Variants in MACROD2 observed in about 807,000 individuals in gnomAD.
MACROD2 encodes the protein mono-ADP ribosylhydrolase 2.
MACROD2 carries 36 observed loss-of-function variants against 70.4 expected under a neutral mutation model. That is an observed-to-expected ratio of 0.51 (90% CI 0.39 to 0.68). The LOEUF (loss-of-function observed/expected upper bound fraction) is 0.68. Among genes scored for constraint, MACROD2 ranks in the 30% least tolerant of loss-of-function variants. The probability of loss-of-function intolerance (pLI) is 0.00; values close to 1 mark genes in which losing one functional copy is unlikely to be tolerated. For missense variants in MACROD2, 496 were observed against 538.4 expected (o/e 0.92, Z 0.78); for synonymous variants, 172 against 178.8 (o/e 0.96, Z 0.30).
intron 3 of MACROD2, among the ~76,000 whole-genome samples, chr20:14,332,370 G>A (rs1219559146): frequency 1.3e-5 from 2 of 152,058 alleles, no homozygotes; most frequent in Non-Finnish European, 2.9e-5. Flanking sequence ...TCAAGAGCTT[G>A]CGGCAATCTA....
intron 8 of MACROD2, among the ~76,000 whole-genome samples, chr20:15,580,560 A>G (rs989569444): frequency 2.0e-5 from 3 of 152,160 alleles, no homozygotes; most frequent in Non-Finnish European, 4.4e-5. Flanking sequence ...TGACACCTCC[A>G]TCTACTATTT....
At chr20:14,903,758 A>G (rs942756032) in intron 5 of MACROD2, among the ~76,000 whole-genome samples, 1 of 152,076 alleles carries the variant, frequency 6.6e-6, no homozygotes, top group Non-Finnish European at 1.5e-5. Context: ...GGCCAGTAAG[A>G]GTGGGCAGAT....
At chr20:14,211,557 A>C (rs913836124) in intron 3 of MACROD2, among the ~76,000 whole-genome samples, 9 of 152,134 alleles carry the variant, frequency 5.9e-5, no homozygotes, top group African/African-American at 1.9e-4. Flanking sequence ...CCATCTAGCT[A>C]TGTGTCCAGG....
In MACROD2 at chr20:14,789,460, A is replaced by ATTC. The variant is rs1555830595; in HGVS notation, c.418+104503_418+104504insCTT. The stretch of plus-strand genomic sequence containing the variant: ...CTTGTGGATTAATCAGGTAGTGCAA[A>ATTC]TTTTTTTTTTTTTTTTTTTTTTTTT... On this transcript the variant is annotated intron_variant, in intron 5 of 17. Transcript: ENST00000684519. 7.0e-3 allele frequency among the ~76,000 whole-genome samples: 337 copies of ATTC among 48,366 alleles called. 43 individuals carry two copies. Among genetic ancestry groups the ATTC allele is most frequent in the African/African-American group, 0.025 (290 of 11,676 alleles). 31.7% of individuals were successfully genotyped at this position (48,366 alleles called of 152,430 possible).
chr20:15,496,682 T>A (rs1030479479), intron 7 of MACROD2, among the ~76,000 whole-genome samples: 12 of 152,300 alleles, frequency 7.9e-5, no homozygotes, highest in African/African-American at 2.9e-4. Flanking sequence ...GAGAAGAATT[T>A]TATGAGATGA....
chr20:14,526,338 C>T (rs1041605459), intron 4 of MACROD2, among the ~76,000 whole-genome samples: 3 of 151,738 alleles, frequency 2.0e-5, no homozygotes, highest in African/African-American at 7.3e-5. Flanking sequence ...TCAATTAAAA[C>T]AGGATGGGTA....
chr20:15,598,795 A>T (rs1454120586), intron 8 of MACROD2, among the ~76,000 whole-genome samples: 1 of 152,168 alleles, frequency 6.6e-6, no homozygotes, highest in East Asian at 1.9e-4. Context: ...CATCCAATAA[A>T]AATACAGGAC....
intron 5 of MACROD2, among the ~76,000 whole-genome samples, chr20:15,075,891 G>C (rs111467147): frequency 6.6e-6 from 1 of 152,094 alleles, no homozygotes; most frequent in Non-Finnish European, 1.5e-5. Context: ...GCATTTGTTC[G>C]TAAAAAGTGT....
chr20:15,948,608 C>T (rs1025341777), intron 12 of MACROD2, among the ~76,000 whole-genome samples: 3 of 152,056 alleles, frequency 2.0e-5, no homozygotes, highest in African/African-American at 4.8e-5. Flanking sequence ...AAGACTTTTC[C>T]TATTTGTTCA....
chr20:14,875,217 C>T (rs1021101712), intron 5 of MACROD2, among the ~76,000 whole-genome samples: 3 of 151,748 alleles, frequency 2.0e-5, no homozygotes, highest in Non-Finnish European at 4.4e-5. Flanking sequence ...CCCATCTCTA[C>T]TAAAAATACA....
At chr20:15,171,241 C>A (rs2145888280) in intron 5 of MACROD2, among the ~76,000 whole-genome samples, 1 of 151,430 alleles carries the variant, frequency 6.6e-6, no homozygotes, top group South Asian at 2.1e-4. Flanking sequence ...CTCCATCTCC[C>A]CCTCTATTAC....
At chr20:14,480,117 C>A (rs1306404818) in intron 3 of MACROD2, among the ~76,000 whole-genome samples, 2 of 152,106 alleles carry the variant, frequency 1.3e-5, no homozygotes, top group Non-Finnish European at 2.9e-5. Context: ...TGGGCTCAAG[C>A]AATCCTCCTG....
At chr20:15,555,362 C>T (rs1558738) in intron 8 of MACROD2, among the ~76,000 whole-genome samples, 72,177 of 151,938 alleles carry the variant, frequency 0.48, 19,188 homozygotes, top group African/African-American at 0.72. Context: ...GACATTTTCA[C>T]TTGAGTGCCT....
chr20:15,976,457 T>C (rs972929014), intron 13 of MACROD2, among the ~76,000 whole-genome samples: 54 of 152,300 alleles, frequency 3.5e-4, no homozygotes, highest in African/African-American at 1.3e-3. Flanking sequence ...CAGAGGACAG[T>C]GGGGAGAATT....
intron 5 of MACROD2, among the ~76,000 whole-genome samples, chr20:14,877,414 C>CT (rs1167953363): frequency 1.3e-4 from 20 of 151,796 alleles, no homozygotes; most frequent in African/African-American, 4.1e-4. Flanking sequence ...GACATTTTGA[C>CT]TTTTTTTTCC....
At chr20:14,488,576 G>A (rs1398546264) in intron 3 of MACROD2, among the ~76,000 whole-genome samples, 1 of 152,032 alleles carries the variant, frequency 6.6e-6, no homozygotes, top group Non-Finnish European at 1.5e-5. Flanking sequence ...GCAATTTTGG[G>A]GAGTGGGAGG....
chr20:14,870,270 A>G (rs910942663), intron 5 of MACROD2, among the ~76,000 whole-genome samples: 2 of 152,184 alleles, frequency 1.3e-5, no homozygotes, highest in African/African-American at 4.8e-5. Context: ...GTCTCTGCAA[A>G]GAAAATGGTC....
At chr20:15,768,267 T>C (rs563881565) in intron 8 of MACROD2, among the ~76,000 whole-genome samples, 1 of 152,236 alleles carries the variant, frequency 6.6e-6, no homozygotes, top group East Asian at 1.9e-4. Flanking sequence ...CTAAATGTTA[T>C]AGCCTATTAC....
intron 8 of MACROD2, among the ~76,000 whole-genome samples, chr20:15,629,184 T>A (rs1352801374): frequency 6.6e-6 from 1 of 152,204 alleles, no homozygotes; most frequent in African/African-American, 2.4e-5. Context: ...TAGCTTTAAC[T>A]ATTTTCTATA....
Sources: allele counts gnomAD v4.1 joint callset (sites outside exome capture counted in the v4.1 genomes callset), GRCh38; gene constraint gnomAD v4.1.1; transcripts MANE v1.5; gene names NCBI Gene and HGNC (gene_info 2026-07-23, HGNC 2026-07-21).